Variants in LRP1B observed in about 807,000 individuals in gnomAD.
The protein encoded by LRP1B is LDL receptor related protein 1B, also known as low-density lipoprotein receptor-related protein 1B.
In LRP1B, 217 loss-of-function variants were observed where a neutral mutation model predicts 556.6. The ratio of observed to expected loss-of-function variants is 0.39; its 90% CI spans 0.35 to 0.44. The LOEUF is 0.44. LRP1B is among the 20% of genes least tolerant of loss of function. The probability of loss-of-function intolerance (pLI) is 1.00; values close to 1 mark genes in which losing one functional copy is unlikely to be tolerated. For synonymous variants in LRP1B, 2,047 were observed against 1,865.8 expected, an observed-to-expected ratio of 1.10 and a Z score of -2.50; for missense variants, 5,053 against 5,620.8, an observed-to-expected ratio of 0.90 and a Z score of 3.23.
chr2:141,958,251 A>G (rs1400467639), intron 1 of LRP1B, among the ~76,000 whole-genome samples: 1 of 152,062 alleles, frequency 6.6e-6, no homozygotes, highest in Admixed American at 6.6e-5. Flanking sequence ...GTCCTGGTGC[A>G]TTAGAAGAGG....
chr2:140,426,556 C>A (rs1256025866), intron 66 of LRP1B, among the ~76,000 whole-genome samples: 3 of 152,164 alleles, frequency 2.0e-5, no homozygotes, highest in African/African-American at 7.2e-5. Flanking sequence ...AATTCCTTCT[C>A]CTGGCTCATC....
intron 1 of LRP1B, among the ~76,000 whole-genome samples, chr2:142,046,570 T>C (rs1704267893): frequency 6.6e-6 from 1 of 151,992 alleles, no homozygotes; most frequent in African/African-American, 2.4e-5. Flanking sequence ...TTTCTGTATA[T>C]ACAATTTTCT....
chr2:142,074,728 A>G (rs547459825), intron 1 of LRP1B, among the ~76,000 whole-genome samples: 25 of 152,156 alleles, frequency 1.6e-4, no homozygotes, highest in African/African-American at 6.0e-4. Flanking sequence ...CTGCTCCTGA[A>G]CTATCTATAT....
chr2:141,911,792 T>A (rs1699913158), intron 1 of LRP1B, among the ~76,000 whole-genome samples: 1 of 152,102 alleles, frequency 6.6e-6, no homozygotes, highest in Non-Finnish European at 1.5e-5. Flanking sequence ...CCTGGTGCCT[T>A]AAGTCTCTGG....
chr2:141,464,604 A>ATTTTTTTTT (rs1415837703), intron 3 of LRP1B, among the ~76,000 whole-genome samples: 1 of 72,794 alleles, frequency 1.4e-5, no homozygotes, highest in Non-Finnish European at 2.9e-5. Context: ...ATATATATAT[A>ATTTTTTTTT]TATTTTTTTA....
rs143661527 is a variant in LRP1B, at chr2:140,784,376, CCACACACACACACACACACA to C, written c.5360-8158_5360-8139del. Among the ~76,000 whole-genome samples, 10 of 126,688 alleles carry C rather than the reference CCACACACACACACACACACA, an allele frequency of 7.9e-5. No individual in the cohort carries two copies. In the Middle Eastern group the frequency reaches 0.014, roughly 178 times the overall value. 83.1% of individuals were successfully genotyped at this position (126,688 alleles called of 152,430 possible). A position where few individuals can be genotyped will look rare whatever the true frequency, so the allele number is the denominator to read the frequency against. ...AAGAGATAATTGGAGGATTCTGCCT[CCACACACACACACACACACA>C]CACACACACACACACACACACACAC... On this transcript the variant is annotated intron_variant, in intron 32 of 90. Transcript: ENST00000389484.
intron 11 of LRP1B, among the ~76,000 whole-genome samples, chr2:141,033,540 CA>C (rs70991133): frequency 0.53 from 78,564 of 148,988 alleles, 21,942 homozygotes; most frequent in Non-Finnish European, 0.63. Context: ...TCCTGTCCCT[CA>C]AAAAAAAAAA....
intron 2 of LRP1B, among the ~76,000 whole-genome samples, chr2:141,520,333 A>C (rs532560044): frequency 2.0e-5 from 3 of 152,334 alleles, no homozygotes; most frequent in Non-Finnish European, 4.4e-5. Flanking sequence ...TATCAAAACC[A>C]GTCGTAATTG....
chr2:140,401,687 A>C (rs540726502), intron 66 of LRP1B, among the ~76,000 whole-genome samples: 1 of 152,330 alleles, frequency 6.6e-6, no homozygotes, highest in African/African-American at 2.4e-5. Context: ...GAGCAAGCTC[A>C]AATCCCACTG....
intron 1 of LRP1B, among the ~76,000 whole-genome samples, chr2:141,836,596 T>G (rs1393713644): frequency 6.6e-6 from 1 of 151,976 alleles, no homozygotes; most frequent in Non-Finnish European, 1.5e-5. Context: ...CATTAGGCCT[T>G]CAAGCAATAA....
At chr2:141,345,379 T>C (rs2105525678) in intron 3 of LRP1B, among the ~76,000 whole-genome samples, 1 of 152,284 alleles carries the variant, frequency 6.6e-6, no homozygotes, top group East Asian at 1.9e-4. Flanking sequence ...ACTTTTTTTT[T>C]CTCTCCAGTG....
chr2:141,999,918 A>G (rs556157075), intron 1 of LRP1B, among the ~76,000 whole-genome samples: 6 of 151,510 alleles, frequency 4.0e-5, no homozygotes, highest in African/African-American at 1.4e-4. Flanking sequence ...TGTCCATTTT[A>G]TGCCAGTGTG....
At chr2:141,038,679 A>G (rs1698609070) in intron 11 of LRP1B, among the ~76,000 whole-genome samples, 1 of 152,052 alleles carries the variant, frequency 6.6e-6, no homozygotes, top group African/African-American at 2.4e-5. Context: ...AGTCAAGTCA[A>G]TCTAGACTAA....
intron 77 of LRP1B, among the ~76,000 whole-genome samples, chr2:140,339,743 C>T (rs1681277067): frequency 6.6e-6 from 1 of 151,226 alleles, no homozygotes; most frequent in South Asian, 2.1e-4. Context: ...TTAAAATATC[C>T]AAATATTTCA....
intron 1 of LRP1B, among the ~76,000 whole-genome samples, chr2:141,900,362 A>G (rs1232946521): frequency 6.6e-6 from 1 of 152,110 alleles, no homozygotes; most frequent in Non-Finnish European, 1.5e-5. Context: ...AGATATGCAA[A>G]AGAAAATTAG....
At chr2:140,521,456 A>C (rs1690169374) in intron 49 of LRP1B, among the ~76,000 whole-genome samples, 2 of 152,054 alleles carry the variant, frequency 1.3e-5, no homozygotes. Context: ...CCATAGATAA[A>C]GGAGAAATAA....
At chr2:141,530,956 A>AT (rs200784132) in intron 2 of LRP1B, among the ~76,000 whole-genome samples, 5,362 of 146,158 alleles carry the variant, frequency 0.037, 156 homozygotes, top group East Asian at 0.15. Flanking sequence ...AGATGTTTGG[A>AT]TTTTTTTTTT....
intron 6 of LRP1B, among the ~76,000 whole-genome samples, chr2:141,213,116 A>AT (rs1423387364): frequency 3.5e-5 from 5 of 142,696 alleles, no homozygotes; most frequent in Non-Finnish European, 3.0e-5. Context: ...TCAGCTAATT[A>AT]ATTTTTTTTT....
intron 3 of LRP1B, among the ~76,000 whole-genome samples, chr2:141,423,265 C>G (rs535405415): frequency 6.9e-6 from 1 of 145,810 alleles, no homozygotes; most frequent in South Asian, 2.2e-4. Flanking sequence ...TTTATAACTG[C>G]CCTCTCACTA....
Sources: allele counts gnomAD v4.1 joint callset (sites outside exome capture counted in the v4.1 genomes callset), GRCh38; gene constraint gnomAD v4.1.1; transcripts MANE v1.5; gene names NCBI Gene and HGNC (gene_info 2026-07-23, HGNC 2026-07-21).